The following UBE2E2 variants were observed in gnomAD, a reference collection of about 807,000 sequenced individuals.
UBE2E2 encodes the protein ubiquitin conjugating enzyme E2 E2.
A neutral mutation model predicts 24.7 loss-of-function variants in UBE2E2; 6 were observed. That is an observed-to-expected ratio of 0.24 (90% CI 0.13 to 0.48). The LOEUF (loss-of-function observed/expected upper bound fraction) is 0.48, where lower values mean the gene tolerates loss of function less well. Among genes scored for constraint, UBE2E2 ranks in the 20% least tolerant of loss-of-function variants. UBE2E2 has a pLI of 0.99. For missense variants in UBE2E2, 169 were observed against 245.0 expected (o/e 0.69, Z 2.07); for synonymous variants, 104 against 83.6 (o/e 1.24, Z -1.33).
rs536266531 is a variant in UBE2E2 at position 23,514,360 on chromosome 3, G to T, written c.360+14620G>T. ...CTTACAGTACCTGGCAGATATGATT[G>T]ATGAAGCAAATGAATATTCATTTAG... On this transcript the variant is annotated intron_variant, in intron 4 of 5. Transcript: ENST00000396703. Among the ~76,000 whole-genome samples the T allele has an allele frequency of 2.6e-5, 4 of 152,294 alleles. No homozygotes were observed. The South Asian group carries it at 6.2e-4, about 24-fold the overall frequency.
intron 5 of UBE2E2, among the ~76,000 whole-genome samples, chr3:23,551,247 T>C (rs983170505): frequency 6.6e-6 from 1 of 152,126 alleles, no homozygotes; most frequent in African/African-American, 2.4e-5. Flanking sequence ...TAAATAAAAA[T>C]GGAAAAGACT....
At chr3:23,355,896 T>G (rs1423220733) in intron 3 of UBE2E2, among the ~76,000 whole-genome samples, 1 of 152,244 alleles carries the variant, frequency 6.6e-6, no homozygotes, top group Non-Finnish European at 1.5e-5. Context: ...AGGAAAATTA[T>G]ATCTCTTACG....
At chr3:23,215,436 A>G (rs1365996090) in intron 2 of UBE2E2, among the ~76,000 whole-genome samples, 1 of 152,138 alleles carries the variant, frequency 6.6e-6, no homozygotes, top group Non-Finnish European at 1.5e-5. Flanking sequence ...AATAGATCAA[A>G]TCTTTCTCTC....
At position 23,253,899 on chromosome 3, in the gene UBE2E2, G is replaced by A. The variant is rs1697646003; in HGVS notation, c.227+36587G>A. Among the ~76,000 whole-genome samples the A allele has an allele frequency of 2.0e-5, 3 of 152,282 alleles. No individual in the cohort carries two copies. The South Asian group carries it at 6.2e-4, about 32-fold the overall frequency. On this transcript the variant is annotated intron_variant, in intron 3 of 5. Transcript: ENST00000396703. Reference sequence around the variant, plus strand: ...GATAATTTATAATCCTTGTGCTACAGTAATGAGTTGCAGGTGATCTTTCTT... The same window carrying A: ...GATAATTTATAATCCTTGTGCTACAATAATGAGTTGCAGGTGATCTTTCTT...
At chr3:23,370,958 GTAGT>G (rs941930706) in intron 3 of UBE2E2, among the ~76,000 whole-genome samples, 3 of 152,292 alleles carry the variant, frequency 2.0e-5, no homozygotes, top group East Asian at 1.9e-4. Context: ...AGATTGGGTA[GTAGT>G]TAGAGTCTGA....
At chr3:23,357,199 A>G (rs929120397) in intron 3 of UBE2E2, among the ~76,000 whole-genome samples, 2 of 152,242 alleles carry the variant, frequency 1.3e-5, no homozygotes, top group Non-Finnish European at 2.9e-5. Flanking sequence ...ATGGATAAGT[A>G]CAAAGTCACT....
intron 3 of UBE2E2, among the ~76,000 whole-genome samples, chr3:23,236,529 G>A (rs1301880030): frequency 6.7e-6 from 1 of 149,244 alleles, no homozygotes; most frequent in Admixed American, 6.7e-5. Context: ...GCTGTTCAGT[G>A]TGTATCATTA....
intron 5 of UBE2E2, among the ~76,000 whole-genome samples, chr3:23,553,332 A>G (rs1695695164): frequency 6.6e-6 from 1 of 152,158 alleles, no homozygotes; most frequent in Admixed American, 6.5e-5. Context: ...AATAATTTCA[A>G]AGAAGCATAA....
chr3:23,330,609 G>A (rs971455920), intron 3 of UBE2E2, among the ~76,000 whole-genome samples: 1 of 152,184 alleles, frequency 6.6e-6, no homozygotes, highest in African/African-American at 2.4e-5. Context: ...TGCTTTCCCT[G>A]GAGGTGTATG....
intron 3 of UBE2E2, among the ~76,000 whole-genome samples, chr3:23,486,146 G>A (rs1358729409): frequency 2.6e-5 from 4 of 152,184 alleles, no homozygotes; most frequent in Admixed American, 6.5e-5. Flanking sequence ...ACAAAGTGGC[G>A]AGGGGTGTGT....
At chr3:23,441,368 C>CA (rs752204801) in intron 3 of UBE2E2, among the ~76,000 whole-genome samples, 32,111 of 103,140 alleles carry the variant, frequency 0.31, 4,745 homozygotes, top group African/African-American at 0.43. Context: ...ACTAAAAATC[C>CA]AAAAAAAAAA....
chr3:23,455,590 G>T (rs115369699), intron 3 of UBE2E2, among the ~76,000 whole-genome samples: 1 of 152,004 alleles, frequency 6.6e-6, no homozygotes, highest in African/African-American at 2.4e-5. Flanking sequence ...TAAGTTTTCA[G>T]CTTAGGCGGA....
intron 3 of UBE2E2, among the ~76,000 whole-genome samples, chr3:23,284,805 G>A (rs1698572958): frequency 6.6e-6 from 1 of 151,434 alleles, no homozygotes; most frequent in African/African-American, 2.4e-5. Context: ...ATCACTTGAA[G>A]CATTTATCCT....
At chr3:23,344,161 AATC>A (rs1490660373) in intron 3 of UBE2E2, among the ~76,000 whole-genome samples, 2 of 152,122 alleles carry the variant, frequency 1.3e-5, no homozygotes, top group African/African-American at 2.4e-5. Flanking sequence ...GGGGATGTCT[AATC>A]ATGTTATTGA....
chr3:23,238,483 C>G (rs758390551), intron 3 of UBE2E2, among the ~76,000 whole-genome samples: 6 of 152,140 alleles, frequency 3.9e-5, no homozygotes, highest in Non-Finnish European at 7.4e-5. Context: ...AGGAACAAAA[C>G]TTTGAGAGTT....
chr3:23,250,516 T>C (rs1697546981), intron 3 of UBE2E2, among the ~76,000 whole-genome samples: 1 of 152,236 alleles, frequency 6.6e-6, no homozygotes, highest in African/African-American at 2.4e-5. Context: ...TATATTTTAG[T>C]ATTGTTTCCT....
intron 5 of UBE2E2, among the ~76,000 whole-genome samples, chr3:23,540,849 A>C (rs757708148): frequency 2.0e-5 from 3 of 152,072 alleles, no homozygotes; most frequent in African/African-American, 7.2e-5. Context: ...TCCTGCCTCA[A>C]CCTCCCAAGA....
At chr3:23,242,221 C>T (rs1697278762) in intron 3 of UBE2E2, among the ~76,000 whole-genome samples, 1 of 152,158 alleles carries the variant, frequency 6.6e-6, no homozygotes, top group Admixed American at 6.5e-5. Context: ...CATGAATCAT[C>T]AAGCCTGGCC....
At chr3:23,430,840 G>T (rs1049598038) in intron 3 of UBE2E2, among the ~76,000 whole-genome samples, 1 of 152,068 alleles carries the variant, frequency 6.6e-6, no homozygotes, top group Non-Finnish European at 1.5e-5. Context: ...CATTTTTTAG[G>T]CAATAGTTGA....
Sources: allele counts gnomAD v4.1 joint callset (sites outside exome capture counted in the v4.1 genomes callset), GRCh38; gene constraint gnomAD v4.1.1; transcripts MANE v1.5; gene names NCBI Gene and HGNC (gene_info 2026-07-23, HGNC 2026-07-21).